COX7A2: variants seen among roughly 807,000 people sequenced by gnomAD.
COX7A2 encodes the protein cytochrome c oxidase subunit 7A2.
COX7A2 carries 11 observed loss-of-function variants against 11.6 expected under a neutral mutation model. That is an observed-to-expected ratio of 0.95 (90% CI 0.60 to 1.57). The LOEUF (loss-of-function observed/expected upper bound fraction) is 1.57, where lower values mean the gene tolerates loss of function less well. Ranked by LOEUF, COX7A2 falls within the 40% of genes most tolerant of loss-of-function variation. The pLI is 0.00. For missense variants in COX7A2, 106 were observed against 100.9 expected, an observed-to-expected ratio of 1.05 and a Z score of -0.22; for synonymous variants, 30 against 38.2, an observed-to-expected ratio of 0.78 and a Z score of 0.79.
upstream of COX7A2, among the ~76,000 whole-genome samples, chr6:75,244,228 A>G (rs987914056): frequency 1.3e-5 from 2 of 152,182 alleles, no homozygotes; most frequent in African/African-American, 4.8e-5. Context: ...ACGCGGATAC[A>G]GTCAGTTTTT....
At chr6:75,241,617 A>G (rs1461664018) in intron 1 of COX7A2, among the ~76,000 whole-genome samples, 1 of 152,138 alleles carries the variant, frequency 6.6e-6, no homozygotes, top group African/African-American at 2.4e-5. Context: ...ACCAAAATAC[A>G]CCAAACCCAA....
At chr6:75,247,783 ACCC>A, upstream of COX7A2, among the ~76,000 whole-genome samples, 1 of 152,072 alleles carries the variant, frequency 6.6e-6, no homozygotes, top group Non-Finnish European at 1.5e-5. Context: ...GTTTTATTTA[ACCC>A]TGTATATTAT....
intron 1 of COX7A2, 128 bp downstream of exon 1, chr6:75,243,589 C>G: frequency 1.3e-6 from 1 of 797,992 alleles, no homozygotes; most frequent in South Asian, 1.6e-5. Context: ...GGAAAAAGGA[C>G]ACGAATCAAG....
At chr6:75,240,481 T>C in intron 2 of COX7A2, 96 bp from the exon 3 acceptor site, 2 of 752,394 alleles carry the variant, frequency 2.7e-6, no homozygotes, top group Non-Finnish European at 4.2e-6. Context: ...ATATAGCTCC[T>C]TAAATCCCTA....
upstream of COX7A2, chr6:75,243,853 GC>G (rs750671866): frequency 6.2e-7 from 1 of 1,605,806 alleles, no homozygotes; most frequent in Non-Finnish European, 8.5e-7. Context: ...ATCTTTCCGG[GC>G]CGAAGAGAGG....
chr6:75,248,776 AC>A (rs1771732770), upstream of COX7A2, among the ~76,000 whole-genome samples: 1 of 152,236 alleles, frequency 6.6e-6, no homozygotes, highest in Non-Finnish European at 1.5e-5. Context: ...TGAATGTAAC[AC>A]TTTGTAATAC....
chr6:75,242,267 G>A (rs985913682), intron 1 of COX7A2, among the ~76,000 whole-genome samples: 2 of 152,098 alleles, frequency 1.3e-5, no homozygotes, highest in Admixed American at 6.5e-5. Flanking sequence ...TACTTTGGGA[G>A]GCCAAGGTGG....
upstream of COX7A2, among the ~76,000 whole-genome samples, chr6:75,248,538 A>G (rs1771726039): frequency 6.6e-6 from 1 of 152,186 alleles, no homozygotes; most frequent in South Asian, 2.1e-4. Context: ...AACCAAACCA[A>G]TGTATTTCTT....
At chr6:75,244,076 T>G, upstream of COX7A2, 1 of 346,958 alleles carries the variant, frequency 2.9e-6, no homozygotes, top group Non-Finnish European at 5.4e-6. Context: ...GAGACCAGGC[T>G]ATCAAAGAAA....
chr6:75,241,528 T>C (rs192810700), intron 1 of COX7A2, among the ~76,000 whole-genome samples: 2 of 152,368 alleles, frequency 1.3e-5, no homozygotes, highest in Admixed American at 1.3e-4. Flanking sequence ...TCATGATCTC[T>C]ACCTGAACAG....
rs981864669 is a variant in COX7A2, at chr6:75,237,893, A to G, written c.*37T>C. On this transcript the variant is annotated 3_prime_UTR_variant, in exon 4 of 4. Transcript: ENST00000684430. ...AGATTACTGGTCCATAGAGAGCTGA[A>G]TGAAACTGAACCAAGCGATTGCTGG... 5 of 1,559,464 alleles carry G rather than the reference A, an allele frequency of 3.2e-6. No individual in the cohort carries two copies. The African/African-American group carries it at 6.8e-5, about 21-fold the overall frequency.
At chr6:75,240,550 TCTACTA>T in intron 2 of COX7A2, 165 bp from the exon 3 acceptor site, 1 of 526,336 alleles carries the variant, frequency 1.9e-6, no homozygotes, top group Non-Finnish European at 3.3e-6. Flanking sequence ...TTATTCCGTC[TCTACTA>T]CTACTACTTT....
intron 1 of COX7A2, among the ~76,000 whole-genome samples, chr6:75,241,548 C>T (rs1771500329): frequency 6.6e-6 from 1 of 152,208 alleles, no homozygotes; most frequent in African/African-American, 2.4e-5. Context: ...GAACCAGTAG[C>T]ATTTTATAAT....
upstream of COX7A2, chr6:75,243,861 G>T: frequency 6.2e-7 from 1 of 1,600,580 alleles, no homozygotes; most frequent in South Asian, 1.1e-5. Context: ...GGGCCGAAGA[G>T]AGGCTTGCGC....
At chr6:75,239,610 A>G (rs1771427514) in intron 3 of COX7A2, among the ~76,000 whole-genome samples, 1 of 152,218 alleles carries the variant, frequency 6.6e-6, no homozygotes, top group South Asian at 2.1e-4. Flanking sequence ...TTGGTCATAA[A>G]TATGTCTGTA....
chr6:75,241,552 T>C lies in COX7A2; in HGVS notation c.19-287A>G, dbSNP rs1771500442. Among the ~76,000 whole-genome samples, 3 of 152,204 alleles carry C rather than the reference T, an allele frequency of 2.0e-5. No homozygotes were observed. In the South Asian group the frequency reaches 6.2e-4, roughly 32 times the overall value. ...CTACCTGAACAGAACCAGTAGCATT[T>C]TATAATCCTTGATGCAAACATATTG... On this transcript the variant is annotated intron_variant, in intron 1 of 3. Coordinates refer to ENST00000684430, the MANE Select transcript of COX7A2 (RefSeq NM_001366293.2).
intron 3 of COX7A2, among the ~76,000 whole-genome samples, chr6:75,238,413 T>C (rs1167769572): frequency 2.0e-5 from 3 of 151,860 alleles, no homozygotes; most frequent in Non-Finnish European, 2.9e-5. Context: ...ATATAAAAAA[T>C]AGCTGATAAC....
chr6:75,238,430 G>A (rs117641944), intron 3 of COX7A2, among the ~76,000 whole-genome samples: 9 of 152,044 alleles, frequency 5.9e-5, no homozygotes, highest in Non-Finnish European at 1.2e-4. Context: ...TAACTGGGCC[G>A]GGCATAGTTG....
chr6:75,249,383 G>C (rs1771745582), intron 1 of COX7A2, among the ~76,000 whole-genome samples: 2 of 152,332 alleles, frequency 1.3e-5, no homozygotes, highest in Non-Finnish European at 2.9e-5. Context: ...CAGAGGCCTA[G>C]ATGGAGTGAA....
Sources: allele counts gnomAD v4.1 joint callset (sites outside exome capture counted in the v4.1 genomes callset), GRCh38; gene constraint gnomAD v4.1.1; transcripts MANE v1.5; gene names NCBI Gene and HGNC (gene_info 2026-07-23, HGNC 2026-07-21).